The following TG variants were observed in gnomAD, a reference collection of about 807,000 sequenced individuals.
TG encodes the protein thyroglobulin.
In TG, 270 loss-of-function variants were observed where a neutral mutation model predicts 324.7. The observed-to-expected ratio is 0.83, with a 90% CI of 0.75 to 0.92. The LOEUF is 0.92. Among genes scored for constraint, TG ranks in the 40% least tolerant of loss-of-function variants. TG has a pLI of 0.00. For synonymous variants in TG, 1,401 were observed against 1,327.0 expected (o/e 1.06, Z -1.21); for missense variants, 3,591 against 3,456.4 (o/e 1.04, Z -0.98).
At chr8:133,021,616 C>T (rs1035582840) in intron 39 of TG, among the ~76,000 whole-genome samples, 3 of 152,172 alleles carry the variant, frequency 2.0e-5, no homozygotes, top group Admixed American at 1.3e-4. Flanking sequence ...CAAGGTGTTG[C>T]AGGACTGGTT....
chr8:133,133,313 AC>A, intron 46 of TG, 156 bp from the exon 47 acceptor site: 1 of 777,058 alleles, frequency 1.3e-6, no homozygotes, highest in Non-Finnish European at 2.2e-6. Flanking sequence ...CAAGATCACA[AC>A]CCCAGAAGCC....
At chr8:133,055,363 G>T (rs2739110) in intron 41 of TG, among the ~76,000 whole-genome samples, 1 of 31,986 alleles carries the variant, frequency 3.1e-5, no homozygotes, top group Non-Finnish European at 6.2e-5. Flanking sequence ...ACACGCACGC[G>T]CGCACACACA....
intron 41 of TG, among the ~76,000 whole-genome samples, chr8:133,077,794 G>T (rs549603582): frequency 6.6e-6 from 1 of 151,756 alleles, no homozygotes; most frequent in African/African-American, 2.4e-5. Flanking sequence ...CGGCAGAGTT[G>T]CAGGGCTGAC....
intron 22 of TG, among the ~76,000 whole-genome samples, chr8:132,927,778 A>G (rs975652102): frequency 4.6e-5 from 7 of 152,238 alleles, no homozygotes; most frequent in Non-Finnish European, 7.3e-5. Context: ...GTCTCCTAGA[A>G]TATTTTGAGC....
At chr8:132,877,812 A>G (rs1814046334) in intron 5 of TG, among the ~76,000 whole-genome samples, 1 of 152,236 alleles carries the variant, frequency 6.6e-6, no homozygotes, top group African/African-American at 2.4e-5. Context: ...GATTGTGGGC[A>G]TACAGAAAAT....
chr8:132,968,018 T>C, intron 31 of TG, 48 bp downstream of exon 31: 1 of 1,600,728 alleles, frequency 6.2e-7, no homozygotes, highest in Non-Finnish European at 8.5e-7. Context: ...AATGTTCTGC[T>C]GGCTCTGTGG....
At chr8:132,921,647 G>A (rs1332052116) in intron 21 of TG, among the ~76,000 whole-genome samples, 1 of 152,114 alleles carries the variant, frequency 6.6e-6, no homozygotes, top group East Asian at 1.9e-4. Flanking sequence ...CCTCTATATA[G>A]TTCAGGTCTC....
At chr8:132,898,432 T>C (rs1322562519) in intron 13 of TG, among the ~76,000 whole-genome samples, 186 bp downstream of exon 13, 2 of 152,164 alleles carry the variant, frequency 1.3e-5, no homozygotes, top group African/African-American at 4.8e-5. Context: ...CACTTCCTAG[T>C]TGGAAGGCTC....
chr8:133,029,552 C>A (rs1474581448), intron 40 of TG, among the ~76,000 whole-genome samples: 1 of 152,132 alleles, frequency 6.6e-6, no homozygotes, highest in East Asian at 1.9e-4. Context: ...AGGACATGAT[C>A]AAGGTCTCCT....
At chr8:132,876,968 G>T (rs1034229628) in intron 5 of TG, among the ~76,000 whole-genome samples, 3 of 152,140 alleles carry the variant, frequency 2.0e-5, no homozygotes, top group African/African-American at 7.2e-5. Flanking sequence ...GTGGGAAGAA[G>T]GATCAGATGT....
chr8:133,004,049 G>A (rs1833804279), intron 35 of TG, among the ~76,000 whole-genome samples: 1 of 152,186 alleles, frequency 6.6e-6, no homozygotes, highest in East Asian at 1.9e-4. Flanking sequence ...ATAGATAGTA[G>A]CACTCATTGC....
chr8:132,937,368 G>A (rs1823762233), intron 25 of TG, among the ~76,000 whole-genome samples: 1 of 152,200 alleles, frequency 6.6e-6, no homozygotes, highest in African/African-American at 2.4e-5. Flanking sequence ...CCACAGCAGG[G>A]ACAAGTGTTT....
At chr8:133,004,672 C>T (rs1833865861) in intron 35 of TG, among the ~76,000 whole-genome samples, 1 of 152,194 alleles carries the variant, frequency 6.6e-6, no homozygotes, top group Non-Finnish European at 1.5e-5. Flanking sequence ...AGGGGACACA[C>T]AGGACCACCC....
intron 35 of TG, among the ~76,000 whole-genome samples, chr8:132,998,928 C>T (rs545394885): frequency 6.6e-6 from 1 of 152,192 alleles, no homozygotes; most frequent in South Asian, 2.1e-4. Context: ...AAGATTTTAG[C>T]AGGATTTGGA....
rs889413357 is a variant in TG, at chr8:133,012,120, T to G, written c.6397+85T>G. 6 of 1,578,696 alleles carry G rather than the reference T, an allele frequency of 3.8e-6. No homozygotes were observed. In the African/African-American group the frequency reaches 5.4e-5, roughly 14 times the overall value. On this transcript the variant is annotated intron_variant, in intron 36 of 47. Coordinates refer to ENST00000220616, the MANE Select transcript of TG (RefSeq NM_003235.5). ...AAGATTCTCAACTTAGAAAAACACA[T>G]GAGACACTACGATAACCTAGGATGC...
intron 5 of TG, among the ~76,000 whole-genome samples, chr8:132,880,116 T>A (rs983625271): frequency 6.6e-6 from 1 of 152,114 alleles, no homozygotes; most frequent in African/African-American, 2.4e-5. Flanking sequence ...GGGCAGGATG[T>A]AGGACAGAAG....
chr8:133,017,702 T>C (rs973655682), intron 37 of TG, 76 bp from the exon 38 acceptor site: 4 of 1,400,722 alleles, frequency 2.9e-6, no homozygotes, highest in Admixed American at 3.4e-5. Flanking sequence ...TGAAAGCACA[T>C]TCAGAATGCC....
At chr8:133,133,176 T>A (rs1852075422) in intron 46 of TG, among the ~76,000 whole-genome samples, 2 of 152,178 alleles carry the variant, frequency 1.3e-5, no homozygotes, top group Admixed American at 1.3e-4. Flanking sequence ...AGCACAGTGA[T>A]CTCCTGACCA....
At chr8:132,919,859 T>C (rs860474) in intron 21 of TG, among the ~76,000 whole-genome samples, 83,786 of 152,060 alleles carry the variant, frequency 0.55, 24,078 homozygotes, top group Non-Finnish European at 0.62. Flanking sequence ...TACCTACTGC[T>C]AGGCCCTGGG....
Sources: gnomAD v4.1 joint callset for allele counts (sites outside exome capture counted in the v4.1 genomes callset) on GRCh38, gnomAD v4.1.1 for gene constraint, MANE v1.5 for transcripts, NCBI Gene and HGNC (gene_info 2026-07-23, HGNC 2026-07-21) for gene names.